Variants in C16orf74 observed in about 807,000 individuals in gnomAD.
The protein encoded by C16orf74 is uncharacterized protein C16orf74.
C16orf74 carries 10 observed loss-of-function variants against 6.5 expected under a neutral mutation model. That is an observed-to-expected ratio of 1.54 (90% CI 0.95 to 2.61). C16orf74 has a LOEUF of 2.61. Among genes scored for constraint, C16orf74 ranks in the 30% most tolerant of loss-of-function variants. The pLI, the probability that C16orf74 is intolerant of heterozygous loss-of-function variation, is 0.00. For synonymous variants in C16orf74, 60 were observed against 42.5 expected, an observed-to-expected ratio of 1.41 and a Z score of -1.60; for missense variants, 141 against 105.9, an observed-to-expected ratio of 1.33 and a Z score of -1.45.
chr16:85,738,153 G>A (rs1229616314), intron 1 of C16orf74, among the ~76,000 whole-genome samples: 2 of 151,760 alleles, frequency 1.3e-5, no homozygotes, highest in Non-Finnish European at 2.9e-5. Context: ...GCTGAGGTGG[G>A]AGGATCACTT....
intron 1 of C16orf74, among the ~76,000 whole-genome samples, chr16:85,745,458 T>G (rs1184395137): frequency 6.6e-6 from 1 of 152,232 alleles, no homozygotes; most frequent in Non-Finnish European, 1.5e-5. Context: ...CTACAGATTT[T>G]CAGTGCAAAC....
At position 85,714,404 on chromosome 16, in the gene C16orf74, A is replaced by T. The variant is rs113269310; in HGVS notation, c.29-4097T>A. Among the ~76,000 whole-genome samples, 275 of 37,708 alleles carry T rather than the reference A, an allele frequency of 7.3e-3. 1 individual carries two copies. The highest frequency in any genetic ancestry group is 0.017 in the African/African-American group (222 of 12,940). 24.7% of individuals were successfully genotyped at this position (37,708 alleles called of 152,430 possible). ...TTATTTATTTATTTATTTATTTATTATTTATTTATTTATTTATTTATTTAT... is the reference window on the plus strand; with the variant it reads ...TTATTTATTTATTTATTTATTTATTTTTTATTTATTTATTTATTTATTTAT... On this transcript the variant is annotated intron_variant, in intron 2 of 3. Coordinates refer to ENST00000284245, the MANE Select transcript of C16orf74 (RefSeq NM_206967.3).
At chr16:85,715,446 G>A (rs2054013937) in intron 2 of C16orf74, among the ~76,000 whole-genome samples, 1 of 152,162 alleles carries the variant, frequency 6.6e-6, no homozygotes, top group Admixed American at 6.5e-5. Flanking sequence ...GGGAGGCAGG[G>A]CCAGGATCCA....
At chr16:85,729,470 G>T (rs2054166397) in intron 2 of C16orf74, among the ~76,000 whole-genome samples, 1 of 152,192 alleles carries the variant, frequency 6.6e-6, no homozygotes, top group African/African-American at 2.4e-5. Flanking sequence ...CCACCCTTGG[G>T]CAGAGTCTTT....
chr16:85,740,969 G>A (rs563054495), intron 1 of C16orf74, among the ~76,000 whole-genome samples: 7 of 152,216 alleles, frequency 4.6e-5, no homozygotes, highest in African/African-American at 1.4e-4. Flanking sequence ...ATGAGGACAC[G>A]CGTGTAGGTA....
At chr16:85,723,404 TA>T (rs60328062) in intron 2 of C16orf74, among the ~76,000 whole-genome samples, 2,018 of 134,688 alleles carry the variant, frequency 0.015, 26 homozygotes, top group African/African-American at 0.039. Context: ...CCATCTGTAC[TA>T]AAAAAAAAAA....
At chr16:85,737,504 C>T (rs2054257661) in intron 1 of C16orf74, among the ~76,000 whole-genome samples, 1 of 152,208 alleles carries the variant, frequency 6.6e-6, no homozygotes, top group Non-Finnish European at 1.5e-5. Context: ...ACAAGACTAA[C>T]TTGGGCAACA....
intron 2 of C16orf74, among the ~76,000 whole-genome samples, chr16:85,722,581 C>G (rs1425093059): frequency 6.6e-6 from 1 of 152,252 alleles, no homozygotes; most frequent in African/African-American, 2.4e-5. Flanking sequence ...CTGGCTCCCG[C>G]TGAGTGGGCC....
At chr16:85,710,629 C>T (rs932750111) in intron 2 of C16orf74, 48 of 305,830 alleles carry the variant, frequency 1.6e-4, no homozygotes, top group African/African-American at 5.1e-4. Context: ...TCCCGGCCAC[C>T]AGCCCCCACT....
chr16:85,716,357 G>C (rs922521945), intron 2 of C16orf74, among the ~76,000 whole-genome samples: 5 of 143,236 alleles, frequency 3.5e-5, no homozygotes, highest in African/African-American at 1.3e-4. Context: ...AGGAGGAAGA[G>C]GAGGAAGGGA....
intron 2 of C16orf74, among the ~76,000 whole-genome samples, chr16:85,723,906 G>A (rs888426387): frequency 1.6e-4 from 24 of 152,228 alleles, no homozygotes; most frequent in Admixed American, 1.0e-3. Flanking sequence ...GAGGGCAGCC[G>A]CGATGCCCTG....
At chr16:85,711,341 G>T (rs1323080830) in intron 2 of C16orf74, among the ~76,000 whole-genome samples, 14 of 148,774 alleles carry the variant, frequency 9.4e-5, no homozygotes, top group Non-Finnish European at 8.9e-5. Context: ...AAGGCTGGGC[G>T]TGGTGGCTCA....
chr16:85,726,688 C>T (rs958653360), intron 2 of C16orf74, among the ~76,000 whole-genome samples: 1 of 152,184 alleles, frequency 6.6e-6, no homozygotes, highest in Admixed American at 6.5e-5. Context: ...TTGTTCTGAA[C>T]ACTGCTGAAA....
chr16:85,750,065 G>A (rs906033013), intron 1 of C16orf74, among the ~76,000 whole-genome samples: 10 of 152,282 alleles, frequency 6.6e-5, no homozygotes, highest in Non-Finnish European at 1.3e-4. Flanking sequence ...GGCAGGAAAC[G>A]CCAGAGCCTG....
intron 2 of C16orf74, among the ~76,000 whole-genome samples, chr16:85,733,228 G>C (rs1414560637): frequency 6.6e-6 from 1 of 152,262 alleles, no homozygotes; most frequent in African/African-American, 2.4e-5. Flanking sequence ...CCGTGAAAAG[G>C]AACGAAGCAG....
At chr16:85,713,545 T>C (rs1567802353) in intron 2 of C16orf74, among the ~76,000 whole-genome samples, 2 of 152,194 alleles carry the variant, frequency 1.3e-5, no homozygotes, top group Admixed American at 1.3e-4. Flanking sequence ...AGTGCTGGGA[T>C]CAGAGGCATG....
chr16:85,710,053 G>A (rs1177654740), intron 3 of C16orf74, 111 bp downstream of exon 3: 1 of 884,758 alleles, frequency 1.1e-6, no homozygotes, highest in East Asian at 3.3e-5. Context: ...CGAACCCAGT[G>A]GGAGGTGGGG....
intron 1 of C16orf74, among the ~76,000 whole-genome samples, chr16:85,736,775 C>T (rs893277262): frequency 3.3e-5 from 5 of 152,164 alleles, no homozygotes; most frequent in Middle Eastern, 3.2e-3. Flanking sequence ...ATGAGCTGGC[C>T]GGGCACAGTG....
At chr16:85,738,491 A>AT (rs34393375) in intron 1 of C16orf74, among the ~76,000 whole-genome samples, 55,831 of 145,340 alleles carry the variant, frequency 0.38, 10,738 homozygotes, top group Middle Eastern at 0.49. Context: ...CACCCAGCTA[A>AT]TTTTTTTTTT....
Sources: allele counts gnomAD v4.1 joint callset (sites outside exome capture counted in the v4.1 genomes callset), GRCh38; gene constraint gnomAD v4.1.1; transcripts MANE v1.5; gene names NCBI Gene and HGNC (gene_info 2026-07-23, HGNC 2026-07-21).